The following GTF3C3 variants were observed in gnomAD, a reference collection of about 807,000 sequenced individuals.
GTF3C3 encodes general transcription factor IIIC subunit 3, also known as general transcription factor 3C polypeptide 3.
A neutral mutation model predicts 105.2 loss-of-function variants in GTF3C3; 75 were observed. That is an observed-to-expected ratio of 0.71 (90% CI 0.59 to 0.86). The LOEUF (loss-of-function observed/expected upper bound fraction) is 0.86. Ranked by LOEUF, GTF3C3 falls within the 40% of genes least tolerant of loss-of-function variation. The pLI is 0.00. For missense variants in GTF3C3, 856 were observed against 1,076.5 expected, an observed-to-expected ratio of 0.80 and a Z score of 2.87; for synonymous variants, 335 against 370.4, an observed-to-expected ratio of 0.90 and a Z score of 1.10.
chr2:196,796,361 TTTAGGTAAC>T (rs1699643992), intron 2 of GTF3C3, among the ~76,000 whole-genome samples: 1 of 152,178 alleles, frequency 6.6e-6, no homozygotes, highest in African/African-American at 2.4e-5. Context: ...TGGGAGCAGC[TTTAGGTAAC>T]AGGACTGACA....
rs1334713255 is a variant in GTF3C3 at position 196,766,106 on chromosome 2, T to C, written c.2538+459A>G. ...AATACAGTGCTATGTTAAAATACATTTAAAAATTAACATATTTCAGGATTT... is the reference window on the plus strand; with the variant it reads ...AATACAGTGCTATGTTAAAATACATCTAAAAATTAACATATTTCAGGATTT... On this transcript the variant is annotated intron_variant, in intron 17 of 17. Coordinates refer to ENST00000263956, the MANE Select transcript of GTF3C3 (RefSeq NM_012086.5). Among the ~76,000 whole-genome samples, 3 of 152,170 alleles carry C rather than the reference T, an allele frequency of 2.0e-5. No individual in the cohort carries two copies. In the East Asian group the frequency reaches 5.8e-4, roughly 29 times the overall value.
At chr2:196,797,460 G>A (rs1347162979) in intron 2 of GTF3C3, among the ~76,000 whole-genome samples, 1 of 152,162 alleles carries the variant, frequency 6.6e-6, no homozygotes, top group East Asian at 1.9e-4. Flanking sequence ...ATATCGAAGT[G>A]TAATTCATTA....
intron 15 of GTF3C3, among the ~76,000 whole-genome samples, chr2:196,770,441 C>A (rs1388363330): frequency 6.6e-6 from 1 of 152,072 alleles, no homozygotes; most frequent in African/African-American, 2.4e-5. Flanking sequence ...TTTATAAATT[C>A]AAATGTGGTG....
chr2:196,787,995 A>G (rs539311175), intron 6 of GTF3C3, among the ~76,000 whole-genome samples: 1 of 152,376 alleles, frequency 6.6e-6, no homozygotes, highest in Non-Finnish European at 1.5e-5. Flanking sequence ...ATCTAATAGA[A>G]GTGGAAAACC....
intron 13 of GTF3C3, among the ~76,000 whole-genome samples, chr2:196,773,942 G>C (rs909494594): frequency 6.6e-6 from 1 of 152,248 alleles, no homozygotes; most frequent in African/African-American, 2.4e-5. Flanking sequence ...TCCCTAGCAG[G>C]CCACGGGCTG....
At chr2:196,765,586 C>T (rs548946408) in intron 17 of GTF3C3, among the ~76,000 whole-genome samples, 1 of 149,356 alleles carries the variant, frequency 6.7e-6, no homozygotes, top group East Asian at 1.9e-4. Flanking sequence ...TTTATATATA[C>T]ATATGCATAT....
Position 196,776,680 on chromosome 2 carries a change from T to A in GTF3C3, c.1391-51A>T, listed in dbSNP as rs1699263623. 1.8e-5 allele frequency: 22 copies of A among 1,256,568 alleles called. No homozygotes were observed. Among genetic ancestry groups the A allele is most frequent in the Non-Finnish European group, 2.5e-5 (22 of 871,180 alleles). The allele number at this position is 1,256,568 out of a possible 1,614,324, so 77.8% of individuals were successfully genotyped here. ...AAGTATGAACTACAGATTTGTAAAC[T>A]GGCCACAATTACTCTTCCATTTTAA... On this transcript the variant is annotated intron_variant, in intron 10 of 17. Transcript: ENST00000263956. The surrounding 1 kb of genome is among the most constrained non-coding windows in gnomAD (Gnocchi z 4.5).
rs1699257403 is a variant in GTF3C3 at position 196,776,227 on chromosome 2, ATAAT to A, written c.1594-120_1594-117del. 2 of 702,820 alleles carry A rather than the reference ATAAT, an allele frequency of 2.8e-6. No individual in the cohort carries two copies. Among genetic ancestry groups the A allele is most frequent in the African/African-American group, 3.6e-5 (2 of 55,880 alleles). 43.5% of individuals were successfully genotyped at this position (702,820 alleles called of 1,614,324 possible). A position where few individuals can be genotyped will look rare whatever the true frequency, so the allele number is the denominator to read the frequency against. On this transcript the variant is annotated intron_variant, in intron 11 of 17. Coordinates refer to ENST00000263956, the MANE Select transcript of GTF3C3 (RefSeq NM_012086.5). This position sits in a 1 kb window ranked among gnomAD's most constrained non-coding sequence, Gnocchi z 4.5. The stretch of plus-strand genomic sequence containing the variant: ...CCATATTGCTTTATGGTCTTTCACA[ATAAT>A]TAAGAGCCAATATTTTAAAACTATA...
intron 6 of GTF3C3, among the ~76,000 whole-genome samples, chr2:196,788,003 AC>A (rs1288276313): frequency 6.6e-6 from 1 of 152,216 alleles, no homozygotes; most frequent in Non-Finnish European, 1.5e-5. Context: ...GAAGTGGAAA[AC>A]CAATTTACTA....
At chr2:196,770,075 A>G (rs2125739315) in intron 15 of GTF3C3, 36 bp from the exon 16 acceptor site, 1 of 1,454,428 alleles carries the variant, frequency 6.9e-7, no homozygotes, top group South Asian at 1.6e-5. Context: ...CGGTGTGACA[A>G]GAACAGAGTT....
At position 196,789,883 on chromosome 2, in the gene GTF3C3, T is replaced by G. The variant is rs1228045172; in HGVS notation, c.723A>C (p.Thr241=). Residue 241 remains threonine (T), a synonymous_variant, in exon 5 of 18, where the codon ACA becomes ACC. Coordinates refer to ENST00000263956, the MANE Select transcript of GTF3C3 (RefSeq NM_012086.5). ...AAAAAAAAAAATTTTAATTACCTTT[T>G]GTATAGCAAAAAATAGCCTGCTTAA... ...DNIKQAIFCY[T]KALKYEPTNV... is the part of the protein sequence containing the mutation. The G allele has an allele frequency of 6.4e-7, 1 of 1,566,256 alleles. No homozygotes were observed. The highest frequency in any genetic ancestry group is 1.4e-5 in the African/African-American group (1 of 71,942).
intron 17 of GTF3C3, among the ~76,000 whole-genome samples, chr2:196,765,046 G>GGAAA (rs1484938213): frequency 1.3e-5 from 2 of 152,190 alleles, no homozygotes; most frequent in East Asian, 1.9e-4. Flanking sequence ...AACTATAAAG[G>GGAAA]GAAAGATTGG....
At chr2:196,792,697 G>A (rs941606247) in intron 3 of GTF3C3, among the ~76,000 whole-genome samples, 2 of 152,094 alleles carry the variant, frequency 1.3e-5, no homozygotes, top group Admixed American at 1.3e-4. Flanking sequence ...AAGTGCTGCA[G>A]CCTTGACTTC....
intron 9 of GTF3C3, chr2:196,780,219 T>TC: frequency 2.1e-6 from 2 of 947,950 alleles, no homozygotes; most frequent in African/African-American, 3.5e-5. Context: ...TAAGTACTTT[T>TC]TTTTTTTCAA....
In GTF3C3 at chr2:196,769,767, T is replaced by C. The variant is rs1281640507; in HGVS notation, c.2385+148A>G. On this transcript the variant is annotated intron_variant, in intron 16 of 17. Transcript: ENST00000263956. ...ATGAGTATAATTATATGCTGAGTGC[T>C]GAACACTGGGGTAAGTGTTGGGGAC... The C allele has an allele frequency of 4.9e-6, 3 of 616,424 alleles. No homozygotes were observed. The Admixed American group carries it at 9.2e-5, about 19-fold the overall frequency. 38.2% of individuals were successfully genotyped at this position (616,424 alleles called of 1,614,324 possible).
At position 196,784,922 on chromosome 2, in the gene GTF3C3, G is replaced by C. The variant is rs1264051640; in HGVS notation, c.1049C>G (p.Thr350Arg). The change falls in exon 8 of 18, where the codon ACA (threonine) becomes AGA (arginine). Residue 350 changes from threonine to arginine, a missense_variant. Thr to Arg is a moderately conservative substitution (Grantham distance 71). This residue lies in a region of GTF3C3 where 605 missense variants were observed against 833.6 expected (regional missense o/e 0.73). Transcript: ENST00000263956. ...TTCCAGCACAATTCCAGAAAAATCTGTAATTATCTAAAAGAATGGGAAAGA... is the reference window on the plus strand; with the variant it reads ...TTCCAGCACAATTCCAGAAAAATCTCTAATTATCTAAAAGAATGGGAAAGA... ...KQYDKALEII[T>R]DFSGIVLEKK... 1 of 1,592,720 alleles carries C rather than the reference G, an allele frequency of 6.3e-7. No homozygotes were observed. The highest frequency in any genetic ancestry group is 8.6e-7 in the Non-Finnish European group (1 of 1,162,618).
chr2:196,764,433 A>AAAT lies in GTF3C3; in HGVS notation c.*127_*129dup, dbSNP rs1160030374. The AAAT allele has an allele frequency of 1.3e-5, 11 of 840,760 alleles. No individual in the cohort carries two copies. The highest frequency in any genetic ancestry group is 2.6e-5 in the East Asian group (1 of 38,920). 52.1% of individuals were successfully genotyped at this position (840,760 alleles called of 1,614,324 possible). A position where few individuals can be genotyped will look rare whatever the true frequency, so the allele number is the denominator to read the frequency against. On this transcript the variant is annotated 3_prime_UTR_variant, in exon 18 of 18. Transcript: ENST00000263956. ...AAGATCATTATCACATATTAAAAAT[A>AAAT]AATACACTGTTTGTTAGGTAATTCT...
intron 10 of GTF3C3, chr2:196,778,229 TATTAG>T (rs1449086817): frequency 6.6e-6 from 1 of 152,242 alleles, no homozygotes; most frequent in East Asian, 1.9e-4. Context: ...TAAGAAACCC[TATTAG>T]AATACTTTTT....
chr2:196,781,357 A>AAAAAAAAAT, intron 8 of GTF3C3, among the ~76,000 whole-genome samples: 18 of 18,802 alleles, frequency 9.6e-4, no homozygotes, highest in African/African-American at 1.9e-3. Context: ...AAAAAAAAAA[A>AAAAAAAAAT]ATATATATAT....
Sources: allele counts gnomAD v4.1 joint callset (sites outside exome capture counted in the v4.1 genomes callset), GRCh38; gene constraint gnomAD v4.1.1; regional missense constraint gnomAD v4.1.1; non-coding constraint Gnocchi (gnomAD v3.1); transcripts MANE v1.5; gene names NCBI Gene and HGNC (gene_info 2026-07-23, HGNC 2026-07-21).